The following MAPK14 variants were observed in gnomAD, a reference collection of about 807,000 sequenced individuals.
The protein encoded by MAPK14 is mitogen-activated protein kinase 14, also known as CSAID-binding protein.
A neutral mutation model predicts 49.6 loss-of-function variants in MAPK14; 16 were observed. The observed-to-expected ratio is 0.32, with a 90% CI of 0.22 to 0.49. MAPK14 has a LOEUF of 0.49. Among genes scored for constraint, MAPK14 ranks in the 20% least tolerant of loss-of-function variants. MAPK14 has a pLI of 0.99. For synonymous variants in MAPK14, 142 were observed against 158.0 expected (o/e 0.90, Z 0.76); for missense variants, 200 against 441.2 (o/e 0.45, Z 4.90).
intron 1 of MAPK14, among the ~76,000 whole-genome samples, chr6:36,029,968 G>GT (rs1562091646): frequency 7.8e-6 from 1 of 128,124 alleles, no homozygotes. Context: ...TATATATCTA[G>GT]TTGATTTGCT....
chr6:36,082,599 C>A (rs568178479), intron 8 of MAPK14, among the ~76,000 whole-genome samples: 11 of 152,238 alleles, frequency 7.2e-5, no homozygotes, highest in African/African-American at 2.6e-4. Flanking sequence ...AAGGAGGGAG[C>A]AAGAGAGATG....
chr6:36,119,075 A>G, the MAPK14 span, among the ~76,000 whole-genome samples: 3 of 152,262 alleles, frequency 2.0e-5, no homozygotes, highest in Non-Finnish European at 4.4e-5. Flanking sequence ...CTACCTGGAA[A>G]TAATAGCTGT....
Position 36,075,910 on chromosome 6 carries a change from G to A in MAPK14, c.558G>A (p.Arg186=). The A allele has an allele frequency of 6.2e-7, 1 of 1,614,070 alleles. No homozygotes were observed. The highest frequency in any genetic ancestry group is 1.3e-5 in the African/African-American group (1 of 75,010). ...AAATGACAGGCTACGTGGCCACTAG[G>A]TGGTACAGGGCTCCTGAGATCATGC... ...DDEMTGYVAT[R]WYRAPEIMLN... The change falls in exon 7 of 12, where the codon AGG becomes AGA. Residue 186 remains arginine (R), a synonymous_variant. Coordinates refer to ENST00000229794, the MANE Select transcript of MAPK14 (RefSeq NM_139012.3).
Position 36,109,787 on chromosome 6 carries a change from T to C in MAPK14, c.*1340T>C, listed in dbSNP as rs201136065. ...AATGCTGAAAATCAAAGTAAAAAAT[T>C]AAAGCCCATAAGGCCAGAAACTCCT... On this transcript the variant is annotated 3_prime_UTR_variant, in exon 12 of 12. Transcript: ENST00000229794. 2 of 152,554 alleles carry C rather than the reference T, an allele frequency of 1.3e-5. No individual in the cohort carries two copies. The highest frequency in any genetic ancestry group is 2.9e-5 in the Non-Finnish European group (2 of 68,012). The allele number at this position is 152,554 out of a possible 1,614,324, so 9.5% of individuals were successfully genotyped here.
intron 2 of MAPK14, 49 bp from the exon 3 acceptor site, chr6:36,059,240 T>C: frequency 1.7e-6 from 2 of 1,193,176 alleles, no homozygotes; most frequent in Non-Finnish European, 2.5e-6. Flanking sequence ...ATGGGTACTA[T>C]ACTGAGTTTA....
At chr6:36,046,800 G>C (rs1430773540) in intron 1 of MAPK14, among the ~76,000 whole-genome samples, 1 of 152,352 alleles carries the variant, frequency 6.6e-6, no homozygotes, top group African/African-American at 2.4e-5. Context: ...CTGGCATGCA[G>C]AGTGCCTTGG....
chr6:36,114,496 T>C (rs1386156502), downstream of MAPK14, among the ~76,000 whole-genome samples: 1 of 151,862 alleles, frequency 6.6e-6, no homozygotes, highest in Non-Finnish European at 1.5e-5. Flanking sequence ...TGGGCACCTG[T>C]AATCCCAGCT....
At chr6:36,120,319 G>A in the MAPK14 span, among the ~76,000 whole-genome samples, 1 of 152,150 alleles carries the variant, frequency 6.6e-6, no homozygotes, top group African/African-American at 2.4e-5. Context: ...AATATCAGAA[G>A]TGAATATGGC....
chr6:36,074,655 G>A (rs1016848610), intron 6 of MAPK14, among the ~76,000 whole-genome samples: 6 of 151,300 alleles, frequency 4.0e-5, no homozygotes, highest in African/African-American at 1.5e-4. Context: ...TCACTCTGTT[G>A]CCCAGTCTAG....
intron 8 of MAPK14, chr6:36,092,606 G>A (rs1182290462): frequency 4.6e-6 from 2 of 431,582 alleles, no homozygotes. Context: ...AAATAATATA[G>A]TGTTTCCATT....
intron 8 of MAPK14, among the ~76,000 whole-genome samples, chr6:36,077,809 T>A (rs759828056): frequency 6.6e-6 from 1 of 152,226 alleles, no homozygotes; most frequent in Non-Finnish European, 1.5e-5. Context: ...GTCCTTTGTT[T>A]CATTCACCTT....
At chr6:36,065,777 A>G (rs1764031041) in intron 3 of MAPK14, among the ~76,000 whole-genome samples, 2 of 152,102 alleles carry the variant, frequency 1.3e-5, no homozygotes, top group Admixed American at 6.6e-5. Flanking sequence ...CACATTCCAT[A>G]GTGTGTGATA....
chr6:36,059,327 T>G lies in MAPK14; in HGVS notation c.285T>G (p.Ser95=). 6.2e-7 allele frequency: 1 copy of G among 1,612,344 alleles called. No homozygotes were observed. Among genetic ancestry groups the G allele is most frequent in the Non-Finnish European group, 8.5e-7 (1 of 1,178,476 alleles). ...GLLDVFTPAR[S]LEEFNDVYLV... The stretch of plus-strand genomic sequence containing the variant: ...TGGACGTTTTTACACCTGCAAGGTC[T>G]CTGGAGGAATTCAATGATGTGTGAG... Residue 95 remains serine, a synonymous_variant, in exon 3 of 12, where the codon TCT becomes TCG. Coordinates refer to ENST00000229794, the MANE Select transcript of MAPK14 (RefSeq NM_139012.3).
chr6:36,106,346 C>A (rs75086797), intron 10 of MAPK14, among the ~76,000 whole-genome samples: 1,612 of 152,072 alleles, frequency 0.011, 13 homozygotes, highest in Non-Finnish European at 0.019. Flanking sequence ...CTCTTTAGAT[C>A]AAAATCAGGA....
At chr6:36,062,267 C>T (rs1214647477) in intron 3 of MAPK14, among the ~76,000 whole-genome samples, 9 of 152,200 alleles carry the variant, frequency 5.9e-5, no homozygotes, top group Admixed American at 5.9e-4. Context: ...TGAGCCGCCA[C>T]ACCCAGCCAT....
chr6:36,101,557 C>G (rs1293561600), intron 9 of MAPK14, among the ~76,000 whole-genome samples: 2 of 151,946 alleles, frequency 1.3e-5, no homozygotes, highest in Non-Finnish European at 2.9e-5. Context: ...ACGATCTTAG[C>G]TCACTGGAAC....
At chr6:36,071,189 C>A (rs1764258442) in intron 3 of MAPK14, among the ~76,000 whole-genome samples, 1 of 151,880 alleles carries the variant, frequency 6.6e-6, no homozygotes, top group South Asian at 2.1e-4. Context: ...AAAAATTAGC[C>A]AGGCATGGTG....
In MAPK14 at chr6:36,110,793, GT is replaced by G. The variant is rs1360745249; in HGVS notation, c.*2351del. 2 of 152,084 alleles carry G rather than the reference GT, an allele frequency of 1.3e-5. No homozygotes were observed. Among genetic ancestry groups the G allele is most frequent in the Non-Finnish European group, 2.9e-5 (2 of 68,006 alleles). 9.4% of individuals were successfully genotyped at this position (152,084 alleles called of 1,614,324 possible). ...CTCAAGTTTATTATATTTTTCTCTT[GT>G]TTTTATTTAATGCACAATATGGCAT... On this transcript the variant is annotated 3_prime_UTR_variant, in exon 12 of 12. Coordinates refer to ENST00000229794, the MANE Select transcript of MAPK14 (RefSeq NM_139012.3).
intron 6 of MAPK14, among the ~76,000 whole-genome samples, chr6:36,075,225 CAAAAAAAAAA>C (rs70975130): frequency 3.0e-4 from 19 of 62,942 alleles, no homozygotes; most frequent in African/African-American, 1.3e-3. Flanking sequence ...GACTCCGTCT[CAAAAAAAAAA>C]AAAAAAAAAA....
Sources: allele counts gnomAD v4.1 joint callset (sites outside exome capture counted in the v4.1 genomes callset), GRCh38; gene constraint gnomAD v4.1.1; transcripts MANE v1.5; gene names NCBI Gene and HGNC (gene_info 2026-07-23, HGNC 2026-07-21).